SNX15: variants seen among roughly 807,000 people sequenced by gnomAD.
The protein encoded by SNX15 is sorting nexin-15.
Under a neutral mutation model 35.2 loss-of-function variants are expected in SNX15, and 29 were observed. The observed-to-expected ratio is 0.82, with a 90% CI of 0.61 to 1.12. The LOEUF (loss-of-function observed/expected upper bound fraction) is 1.12, where lower values mean the gene tolerates loss of function less well. SNX15 is among the 50% of genes most tolerant of loss of function. The pLI is 0.00. For missense variants in SNX15, 400 were observed against 451.5 expected, an observed-to-expected ratio of 0.89 and a Z score of 1.03; for synonymous variants, 189 against 188.2, an observed-to-expected ratio of 1.00 and a Z score of -0.03.
Position 65,027,459 on chromosome 11 carries a change from G to A in SNX15, c.-79G>A. ...AGAGCGCAGGCCTGGCGAGGCGGCG[G>A]CGGGCGGAGGCTGGGCCGGAGGGGT... On this transcript the variant is annotated 5_prime_UTR_variant, in exon 1 of 8. Transcript: ENST00000377244. 1 of 1,138,602 alleles carries A rather than the reference G, an allele frequency of 8.8e-7. No individual in the cohort carries two copies. The highest frequency in any genetic ancestry group is 1.2e-5 in the South Asian group (1 of 80,772). 70.5% of individuals were successfully genotyped at this position (1,138,602 alleles called of 1,614,324 possible).
At position 65,034,833 on chromosome 11, in the gene SNX15, C is replaced by T. The variant is rs750884733; in HGVS notation, c.257-14C>T. ...ACCGCCACTCTCCCCTGTTCCTTGT[C>T]CTGGGGGCCGTAGGCCGGTTTGAAG... On this transcript the variant is annotated splice_polypyrimidine_tract_variant and intron_variant, in intron 3 of 7. Coordinates refer to ENST00000377244, the MANE Select transcript of SNX15 (RefSeq NM_013306.5). 2.2e-5 allele frequency: 36 copies of T among 1,607,464 alleles called. No homozygotes were observed. The highest frequency in any genetic ancestry group is 2.9e-5 in the Non-Finnish European group (34 of 1,174,580).
Position 65,032,419 on chromosome 11 carries a change from T to C in SNX15, c.136-12T>C, listed in dbSNP as rs533301. 155,710 of 1,613,896 alleles carry C rather than the reference T, an allele frequency of 0.096. 9,464 individuals are homozygous for C. Among genetic ancestry groups the C allele is most frequent in the African/African-American group, 0.23 (16,968 of 74,956 alleles). ...CATTGCTGGTTCTGGGCAAGTCTCA[T>C]GTACCTCATAGGTGGTGGTCTGGAA... On this transcript the variant is annotated splice_polypyrimidine_tract_variant and intron_variant, in intron 2 of 7. Coordinates refer to ENST00000377244, the MANE Select transcript of SNX15 (RefSeq NM_013306.5).
chr11:65,032,992 C>T (rs559777876), intron 3 of SNX15, among the ~76,000 whole-genome samples: 2 of 152,282 alleles, frequency 1.3e-5, no homozygotes, highest in South Asian at 2.1e-4. Flanking sequence ...TCTCTTGCAT[C>T]AGTCTCCCCA....
intron 1 of SNX15, 34 bp from the exon 2 acceptor site, chr11:65,032,134 C>G: frequency 6.2e-7 from 1 of 1,612,254 alleles, no homozygotes; most frequent in Non-Finnish European, 8.5e-7. Context: ...ATGGCAGTCT[C>G]TGGTCTCAAC....
rs892465414 is a variant in SNX15 at position 65,027,441 on chromosome 11, A to G, written c.-97A>G. The G allele has an allele frequency of 2.4e-6, 2 of 823,962 alleles. No individual in the cohort carries two copies. The highest frequency in any genetic ancestry group is 4.0e-6 in the Non-Finnish European group (2 of 503,392). The allele number at this position is 823,962 out of a possible 1,614,324, so 51.0% of individuals were successfully genotyped here. A position where few individuals can be genotyped will look rare whatever the true frequency, so the allele number is the denominator to read the frequency against. On this transcript the variant is annotated 5_prime_UTR_variant, in exon 1 of 8. Coordinates refer to ENST00000377244, the MANE Select transcript of SNX15 (RefSeq NM_013306.5). ...CCCTAGGCCAGAGGAAGAAGAGCGC[A>G]GGCCTGGCGAGGCGGCGGCGGGCGG...
intron 1 of SNX15, among the ~76,000 whole-genome samples, 165 bp downstream of exon 1, chr11:65,027,801 C>A (rs183088110): frequency 6.6e-6 from 1 of 152,194 alleles, no homozygotes; most frequent in East Asian, 1.9e-4. Flanking sequence ...CTTTAACCAC[C>A]AGGGGGCGGG....
At chr11:65,038,220 T>TG in intron 6 of SNX15, 1 of 1,011,834 alleles carries the variant, frequency 9.9e-7, no homozygotes, top group Non-Finnish European at 1.2e-6. Context: ...AGCCTGGTGG[T>TG]GGTGGCCTAG....
At chr11:65,032,053 T>C in intron 1 of SNX15, 115 bp from the exon 2 acceptor site, 1 of 1,007,542 alleles carries the variant, frequency 9.9e-7, no homozygotes. Context: ...CAGAGGCCAA[T>C]GGCCAAAGGC....
chr11:65,034,933 A>G lies in SNX15; in HGVS notation c.343A>G (p.Asn115Asp), dbSNP rs1328420985. 1 of 1,614,066 alleles carries G rather than the reference A, an allele frequency of 6.2e-7. No homozygotes were observed. Among genetic ancestry groups the G allele is most frequent in the South Asian group, 1.1e-5 (1 of 91,082 alleles). Residue 115 changes from asparagine to aspartate, a missense_variant, in exon 4 of 8, where the codon AAC (asparagine) becomes GAC (aspartate). Coordinates refer to ENST00000377244, the MANE Select transcript of SNX15 (RefSeq NM_013306.5). ...CACTGTGCACATACCTGCGCTCAAC[A>G]ACAGCCCCCAGCTCAAGGAGTTCTT... Reference protein sequence around the residue: ...RFTVHIPALNNSPQLKEFFRG... With the variant: ...RFTVHIPALNDSPQLKEFFRG...
At chr11:65,029,431 C>T (rs897109433) in intron 1 of SNX15, among the ~76,000 whole-genome samples, 5 of 151,530 alleles carry the variant, frequency 3.3e-5, no homozygotes, top group Admixed American at 6.6e-5. Flanking sequence ...GCTGGGATTA[C>T]AGGTGTGAGC....
At chr11:65,035,499 C>A (rs1428561406) in intron 5 of SNX15, 21 bp from the exon 6 acceptor site, 1 of 1,563,914 alleles carries the variant, frequency 6.4e-7, no homozygotes, top group East Asian at 2.3e-5. Context: ...GTATTCATGA[C>A]CCCACTTATC....
At chr11:65,031,859 T>G (rs1476842376) in intron 1 of SNX15, among the ~76,000 whole-genome samples, 1 of 151,792 alleles carries the variant, frequency 6.6e-6, no homozygotes, top group Non-Finnish European at 1.5e-5. Flanking sequence ...AGTGTACCAC[T>G]GCACTCCAGC....
rs754577456 is a variant in SNX15, at chr11:65,039,746, G to A, written c.983G>A (p.Arg328Gln). 31 of 1,613,480 alleles carry A rather than the reference G, an allele frequency of 1.9e-5. No individual in the cohort carries two copies. The highest frequency in any genetic ancestry group is 2.4e-5 in the Non-Finnish European group (28 of 1,179,842). Residue 328 changes from arginine to glutamine, a missense_variant, in exon 8 of 8, where the codon CGG becomes CAG. Coordinates refer to ENST00000377244, the MANE Select transcript of SNX15 (RefSeq NM_013306.5). ...VKKKAAEYLK[R>Q]AEEILRLHLS... The stretch of plus-strand genomic sequence containing the variant: ...AAGAAGGCAGCTGAGTACCTGAAGC[G>A]GGCAGAGGAGATCCTGCGCCTGCAC...
chr11:65,032,248 C>A, intron 2 of SNX15, 45 bp downstream of exon 2: 1 of 1,603,116 alleles, frequency 6.2e-7, no homozygotes, highest in Non-Finnish European at 8.5e-7. Context: ...AGTTCCAGAT[C>A]TGGAAACTGT....
chr11:65,038,670 G>A lies in SNX15; in HGVS notation c.763G>A (p.Glu255Lys). 6.2e-7 allele frequency: 1 copy of A among 1,612,376 alleles called. No individual in the cohort carries two copies. Among genetic ancestry groups the A allele is most frequent in the Non-Finnish European group, 8.5e-7 (1 of 1,179,306 alleles). Residue 255 changes from glutamate to lysine, a missense_variant, in exon 7 of 8, where the codon GAG becomes AAG. Physicochemically the swap from Glu to Lys is moderately conservative, Grantham distance 56. Transcript: ENST00000377244. The part of the protein sequence containing the change: ...DQEPWEPGGQ[E>K]EEEDGEGGPT... ...GGAACCCTGGGAGCCAGGAGGGCAG[G>A]AGGAGGAAGAGGATGGGGAAGGAGG...
chr11:65,039,029 C>CTTATTTTTTTTTTTTTTTTTTTTT (rs1946538040), intron 7 of SNX15, among the ~76,000 whole-genome samples, 200 bp downstream of exon 7: 1 of 72,528 alleles, frequency 1.4e-5, no homozygotes, highest in Non-Finnish European at 3.1e-5. Flanking sequence ...TCTTCTTCCT[C>CTTATTTTTTTTTTTTTTTTTTTTT]TTTTTTTTTT....
In SNX15 at chr11:65,035,624, G is replaced by A. The variant is rs140266611; in HGVS notation, c.625G>A (p.Glu209Lys). 1.1e-5 allele frequency: 18 copies of A among 1,613,578 alleles called. No individual in the cohort carries two copies. The highest frequency in any genetic ancestry group is 2.7e-5 in the African/African-American group (2 of 75,026). ...SGSPARGPLT[E>K]AELALFDPFS... The stretch of plus-strand genomic sequence containing the variant: ...TTCCCCTGCCCGAGGCCCCCTCACC[G>A]AGGCTGAGCTTGCCCTCTTCGACCC... Residue 209 changes from glutamate to lysine, a missense_variant, in exon 6 of 8, where the codon GAG becomes AAG. Glu to Lys is a moderately conservative substitution (Grantham distance 56). Transcript: ENST00000377244.
chr11:65,028,487 T>G (rs893580199), intron 1 of SNX15, among the ~76,000 whole-genome samples: 3 of 152,110 alleles, frequency 2.0e-5, no homozygotes, highest in Admixed American at 1.3e-4. Context: ...CTATTTAAAA[T>G]ATGCTTTCCC....
rs1946558663 is a variant in SNX15 at position 65,039,781 on chromosome 11, C to T, written c.1018C>T (p.Leu340Phe). ...GATCCTGCGCCTGCACCTGTCTCAA[C>T]TCCCACCCTAACAGGGAGTGGGCCA... ...EEILRLHLSQLPP is the reference protein window; with the variant it reads ...EEILRLHLSQFPP The change falls in exon 8 of 8, where the codon CTC becomes TTC. Residue 340 changes from leucine (L) to phenylalanine (F), a missense_variant. Leu to Phe is a conservative substitution (Grantham distance 22, BLOSUM62 0). Coordinates refer to ENST00000377244, the MANE Select transcript of SNX15 (RefSeq NM_013306.5). 2 of 1,610,614 alleles carry T rather than the reference C, an allele frequency of 1.2e-6. No individual in the cohort carries two copies. Among genetic ancestry groups the T allele is most frequent in the Admixed American group, 3.3e-5 (2 of 59,722 alleles).
Sources: gnomAD v4.1 joint callset for allele counts (sites outside exome capture counted in the v4.1 genomes callset) on GRCh38, gnomAD v4.1.1 for gene constraint, MANE v1.5 for transcripts, NCBI Gene and HGNC (gene_info 2026-07-23, HGNC 2026-07-21) for gene names.